ZDHHC15: variants seen among roughly 807,000 people sequenced by gnomAD.
ZDHHC15 encodes the protein zDHHC palmitoyltransferase 15, also known as palmitoyltransferase ZDHHC15.
A neutral mutation model predicts 31.7 loss-of-function variants in ZDHHC15; 19 were observed. The ratio of observed to expected loss-of-function variants is 0.60; its 90% confidence interval spans 0.42 to 0.88. ZDHHC15 has a LOEUF of 0.88. ZDHHC15 is among the 40% of genes least tolerant of loss of function. ZDHHC15 has a pLI of 0.00. For missense variants in ZDHHC15, 209 were observed against 251.2 expected, an observed-to-expected ratio of 0.83 and a Z score of 1.14; for synonymous variants, 103 against 90.0, an observed-to-expected ratio of 1.14 and a Z score of -0.82.
At chrX:75,482,242 C>T (rs1373103222) in intron 2 of ZDHHC15, among the ~76,000 whole-genome samples, 1 of 111,278 alleles carries the variant, frequency 9.0e-6, no homozygotes, top group East Asian at 2.8e-4. Flanking sequence ...ACCCAGCTAA[C>T]AAACCTGCAC....
intron 2 of ZDHHC15, among the ~76,000 whole-genome samples, chrX:75,498,723 C>T (rs1346054194): frequency 9.0e-6 from 1 of 111,570 alleles, no homozygotes; most frequent in Admixed American, 9.5e-5. Context: ...AAGCAATCTA[C>T]AGATTCAATG....
intron 2 of ZDHHC15, among the ~76,000 whole-genome samples, chrX:75,505,388 TGAGGAGCAGA>T (rs2085142639): frequency 9.0e-6 from 1 of 111,114 alleles, no homozygotes; most frequent in Non-Finnish European, 1.9e-5. Context: ...AAGATGGTGG[TGAGGAGCAGA>T]GAGGAGCACA....
At chrX:75,463,302 T>C (rs2084349294) in intron 3 of ZDHHC15, among the ~76,000 whole-genome samples, 1 of 110,948 alleles carries the variant, frequency 9.0e-6, no homozygotes, top group South Asian at 3.8e-4. Flanking sequence ...CCAGATGAAT[T>C]CACAGCTGAA....
In ZDHHC15 at chrX:75,368,819, G is replaced by A. The variant is rs760387891; in HGVS notation, c.*4159C>T. On this transcript the variant is annotated 3_prime_UTR_variant, in exon 12 of 12. Coordinates refer to ENST00000373367, the MANE Select transcript of ZDHHC15 (RefSeq NM_144969.3). ...TTTAACTCATTCTGCTGATGGCTGT[G>A]TACCATCCTGCTACAAAGAACACAT... is the stretch of plus-strand genomic sequence containing the variant. The A allele has an allele frequency of 9.0e-6, 1 of 111,202 alleles. No individual in the cohort carries two copies. Among genetic ancestry groups the A allele is most frequent in the South Asian group, 3.8e-4 (1 of 2,632 alleles). The allele number at this position is 111,202 out of a possible 1,213,427, so 9.2% of individuals were successfully genotyped here. A position where few individuals can be genotyped will look rare whatever the true frequency, so the allele number is the denominator to read the frequency against.
intron 10 of ZDHHC15, among the ~76,000 whole-genome samples, chrX:75,412,705 A>G (rs1305972185): frequency 8.9e-6 from 1 of 112,157 alleles, no homozygotes; most frequent in Non-Finnish European, 1.9e-5. Flanking sequence ...TGCTGGGATT[A>G]CAGGTGTGAG....
intron 2 of ZDHHC15, among the ~76,000 whole-genome samples, chrX:75,489,965 C>T (rs758068494): frequency 8.8e-4 from 98 of 111,636 alleles, no homozygotes; most frequent in African/African-American, 3.1e-3. Flanking sequence ...GTAGCCGATT[C>T]GATCAACTGG....
chrX:75,483,120 G>C (rs2084720105), intron 2 of ZDHHC15, among the ~76,000 whole-genome samples: 1 of 105,672 alleles, frequency 9.5e-6, no homozygotes, highest in African/African-American at 3.4e-5. Context: ...ATACCTGCTT[G>C]TCAAAGTTGT....
intron 3 of ZDHHC15, among the ~76,000 whole-genome samples, chrX:75,457,872 A>G: frequency 8.9e-6 from 1 of 112,101 alleles, no homozygotes; most frequent in East Asian, 2.8e-4. Context: ...ATGATTTAAA[A>G]TATGTAGGAG....
chrX:75,409,143 C>T (rs1218261847), intron 10 of ZDHHC15, among the ~76,000 whole-genome samples: 6 of 111,274 alleles, frequency 5.4e-5, no homozygotes, highest in Non-Finnish European at 1.1e-4. Context: ...ATAGCCAAAG[C>T]AATCCTGAAC....
intron 3 of ZDHHC15, among the ~76,000 whole-genome samples, chrX:75,478,368 G>T (rs1026448697): frequency 9.0e-6 from 1 of 111,004 alleles, no homozygotes; most frequent in Non-Finnish European, 1.9e-5. Flanking sequence ...TATCACCAAT[G>T]CAGGTAGTGG....
chrX:75,401,719 C>G (rs1202334269), intron 10 of ZDHHC15, among the ~76,000 whole-genome samples: 1 of 111,881 alleles, frequency 8.9e-6, no homozygotes, highest in African/African-American at 3.3e-5. Flanking sequence ...GTACCCAACA[C>G]AGGAGTATCC....
At chrX:75,401,712 C>A (rs1420703283) in intron 10 of ZDHHC15, among the ~76,000 whole-genome samples, 1 of 111,849 alleles carries the variant, frequency 8.9e-6, no homozygotes, top group Non-Finnish European at 1.9e-5. Flanking sequence ...TATATATGTA[C>A]CCAACACAGG....
intron 1 of ZDHHC15, among the ~76,000 whole-genome samples, chrX:75,515,664 A>AT (rs1302431505): frequency 1.2e-4 from 13 of 111,988 alleles, no homozygotes; most frequent in African/African-American, 3.9e-4. Flanking sequence ...TTCCCTTTGA[A>AT]AACTGGCACA....
chrX:75,435,653 G>C (rs975753067), intron 4 of ZDHHC15, among the ~76,000 whole-genome samples: 2 of 112,113 alleles, frequency 1.8e-5, no homozygotes, highest in East Asian at 5.6e-4. Flanking sequence ...TTATTGACTT[G>C]CCTGTGTTAA....
At chrX:75,485,366 C>T (rs188759109) in intron 2 of ZDHHC15, among the ~76,000 whole-genome samples, 1 of 111,192 alleles carries the variant, frequency 9.0e-6, no homozygotes, top group Admixed American at 9.6e-5. Context: ...CCTCAATAGT[C>T]ATACTCAAAT....
Position 75,518,089 on chromosome X carries a change from A to T in ZDHHC15, c.136+4800T>A, listed in dbSNP as rs774223208. 4.5e-5 allele frequency among the ~76,000 whole-genome samples: 5 copies of T among 110,191 alleles called. No homozygotes were observed. In the East Asian group the frequency reaches 1.4e-3, roughly 31 times the overall value. ...TTTATGCTCTTGCATTTGGTAATGG[A>T]TTCTTAAATATGACACCAAAAGCAT... On this transcript the variant is annotated intron_variant, in intron 1 of 11. Coordinates refer to ENST00000373367, the MANE Select transcript of ZDHHC15 (RefSeq NM_144969.3).
At chrX:75,445,579 A>G (rs1468905520) in intron 4 of ZDHHC15, among the ~76,000 whole-genome samples, 2 of 112,185 alleles carry the variant, frequency 1.8e-5, no homozygotes, top group Non-Finnish European at 3.8e-5. Context: ...GCTTCTATGT[A>G]TCTCCTAAAG....
At chrX:75,485,531 G>A (rs185102014) in intron 2 of ZDHHC15, among the ~76,000 whole-genome samples, 2 of 110,166 alleles carry the variant, frequency 1.8e-5, no homozygotes, top group Non-Finnish European at 3.8e-5. Context: ...CTCAATATAC[G>A]CCCCACCATC....
intron 10 of ZDHHC15, among the ~76,000 whole-genome samples, chrX:75,401,464 C>T (rs1180950204): frequency 4.5e-5 from 5 of 111,229 alleles, no homozygotes; most frequent in African/African-American, 1.6e-4. Flanking sequence ...AGTTAAAAAG[C>T]AAGATCCAAT....
Sources: allele counts gnomAD v4.1 joint callset (sites outside exome capture counted in the v4.1 genomes callset), GRCh38; gene constraint gnomAD v4.1.1; transcripts MANE v1.5; gene names NCBI Gene and HGNC (gene_info 2026-07-23, HGNC 2026-07-21).